Variants in ZNF75D observed in about 807,000 individuals in gnomAD.
The protein encoded by ZNF75D is zinc finger protein 75.
ZNF75D carries 33 observed loss-of-function variants against 33.3 expected under a neutral mutation model. The observed-to-expected ratio is 0.99, with a 90% CI of 0.75 to 1.32. ZNF75D has a LOEUF of 1.32. ZNF75D is among the 40% of genes most tolerant of loss of function. The pLI is 0.00. For missense variants in ZNF75D, 338 were observed against 367.5 expected (o/e 0.92, Z 0.66); for synonymous variants, 113 against 130.6 (o/e 0.87, Z 0.92).
chrX:135,304,493 C>A lies in ZNF75D; in HGVS notation c.-390-8454G>T, dbSNP rs75056020. Among the ~76,000 whole-genome samples, 1,127 of 111,324 alleles carry A rather than the reference C, an allele frequency of 0.01. 37 individuals carry two copies. In the East Asian group the frequency reaches 0.14, roughly 14 times the overall value. The stretch of plus-strand genomic sequence containing the variant: ...TGAATGGTAAGAATAGAGTTTCTGA[C>A]AAATGCAGCCAAAGATCTCCATGAA... On this transcript the variant is annotated intron_variant, in intron 1 of 6. Coordinates refer to ENST00000370766, the MANE Select transcript of ZNF75D (RefSeq NM_007131.5).
chrX:135,322,003 T>G (rs1556434625), intron 1 of ZNF75D, among the ~76,000 whole-genome samples: 1 of 112,160 alleles, frequency 8.9e-6, no homozygotes, highest in African/African-American at 3.2e-5. Context: ...CTTAATTGCT[T>G]TCTACTCGGG....
chrX:135,281,184 T>C (rs2083918708), downstream of ZNF75D, among the ~76,000 whole-genome samples: 2 of 110,191 alleles, frequency 1.8e-5, no homozygotes, highest in Admixed American at 2.0e-4. Flanking sequence ...GCTTTGTTCC[T>C]TTTCATTCTT....
chrX:135,325,381 G>A (rs2084549950), intron 1 of ZNF75D, among the ~76,000 whole-genome samples: 1 of 110,795 alleles, frequency 9.0e-6, no homozygotes, highest in Non-Finnish European at 1.9e-5. Context: ...TCAGCCCACC[G>A]CTGCACTGTG....
chrX:135,329,999 T>G (rs782494554), intron 1 of ZNF75D, among the ~76,000 whole-genome samples: 6 of 112,064 alleles, frequency 5.4e-5, no homozygotes, highest in African/African-American at 1.9e-4. Context: ...AATGAGCTGA[T>G]TATTCAATTA....
chrX:135,330,779 T>G (rs782403063), intron 1 of ZNF75D: 2 of 112,887 alleles, frequency 1.8e-5, no homozygotes, highest in Admixed American at 1.9e-4. Flanking sequence ...TTTGATATGT[T>G]TTTATGCTGA....
At chrX:135,327,563 G>A (rs966636317) in intron 1 of ZNF75D, among the ~76,000 whole-genome samples, 2 of 111,761 alleles carry the variant, frequency 1.8e-5, no homozygotes, top group Non-Finnish European at 1.9e-5. Context: ...GTGAGTAAGT[G>A]GGAGGTGCTG....
Position 135,287,568 on chromosome X carries a change from G to C in ZNF75D, c.1102C>G (p.Gln368Glu), listed in dbSNP as rs1437298352. 2.5e-6 allele frequency: 3 copies of C among 1,211,698 alleles called. No individual in the cohort carries two copies. Among genetic ancestry groups the C allele is most frequent in the Non-Finnish European group, 3.4e-6 (3 of 895,454 alleles). ...ACTCTGAAGCTTTTCCCACATTCCT[G>C]ACACTTAAAAGGTTTCTCCCCTGTG... ...GPTGEKPFKC[Q>E]ECGKSFRVSS... Residue 368 changes from glutamine (Q) to glutamate (E), a missense_variant, in exon 7 of 7, where the codon CAG becomes GAG. Physicochemically the swap from Gln to Glu is conservative, Grantham distance 29 (BLOSUM62 2). Transcript: ENST00000370766.
At chrX:135,265,774 A>G (rs981270853) in intron 1 of ZNF75D, among the ~76,000 whole-genome samples, 27 of 112,099 alleles carry the variant, frequency 2.4e-4, no homozygotes, top group African/African-American at 3.2e-5. Flanking sequence ...CAGCAGGTAC[A>G]AAACTCACTG....
At chrX:135,283,891 C>T (rs782751072), downstream of ZNF75D, among the ~76,000 whole-genome samples, 75 of 111,898 alleles carry the variant, frequency 6.7e-4, no homozygotes, top group African/African-American at 2.4e-3. Flanking sequence ...CTCACATGCT[C>T]TTGTGTCTCA....
intron 1 of ZNF75D, among the ~76,000 whole-genome samples, chrX:135,260,402 C>T (rs187161789): frequency 5.5e-4 from 58 of 106,282 alleles, no homozygotes; most frequent in African/African-American, 1.8e-3. Context: ...TGGTAGAATT[C>T]GGCTGTGAAT....
chrX:135,310,477 G>T (rs1173265033), intron 1 of ZNF75D, among the ~76,000 whole-genome samples: 1 of 112,045 alleles, frequency 8.9e-6, no homozygotes, highest in Non-Finnish European at 1.9e-5. Flanking sequence ...TCAGAGCCAT[G>T]GTGGATATGG....
At chrX:135,338,179 C>G (rs782214033) in intron 1 of ZNF75D, among the ~76,000 whole-genome samples, 3 of 111,314 alleles carry the variant, frequency 2.7e-5, no homozygotes, top group Admixed American at 1.9e-4. Context: ...ACCTGTTCCT[C>G]TCTCAGAGAA....
At chrX:135,333,114 G>C (rs782082713) in intron 1 of ZNF75D, among the ~76,000 whole-genome samples, 1 of 111,765 alleles carries the variant, frequency 8.9e-6, no homozygotes, top group South Asian at 3.8e-4. Flanking sequence ...GGCAGAGAGA[G>C]AGAGAGAAAG....
At chrX:135,309,580 A>G (rs781976070) in intron 1 of ZNF75D, 10 of 297,262 alleles carry the variant, frequency 3.4e-5, no homozygotes, top group Middle Eastern at 8.8e-4. Flanking sequence ...AAAAATGTGC[A>G]GGTCTTTTTA....
At chrX:135,303,831 A>G (rs1556425281) in intron 1 of ZNF75D, among the ~76,000 whole-genome samples, 1 of 112,578 alleles carries the variant, frequency 8.9e-6, no homozygotes, top group African/African-American at 3.2e-5. Flanking sequence ...ATACTTAAGT[A>G]TAGCCTCTTT....
At chrX:135,274,559 C>T (rs555767568) in intron 1 of ZNF75D, among the ~76,000 whole-genome samples, 4 of 111,625 alleles carry the variant, frequency 3.6e-5, no homozygotes, top group African/African-American at 1.3e-4. Context: ...CTTTGAGGCT[C>T]TTACTTAGGT....
At chrX:135,249,384 AACACACATGCGTGCATGTGCACACACAC>A in intron 3 of ZNF75D, 2 of 246,677 alleles carry the variant, frequency 8.1e-6, no homozygotes, top group South Asian at 8.0e-5. Context: ...TCTCCTCCCT[AACACACATGCGTGCATGTGCACACACAC>A]ACACACAATC....
At chrX:135,317,867 G>A (rs1323613306) in intron 1 of ZNF75D, among the ~76,000 whole-genome samples, 1 of 110,313 alleles carries the variant, frequency 9.1e-6, no homozygotes, top group African/African-American at 3.3e-5. Flanking sequence ...GGCAGGGGAA[G>A]AGCAATCATC....
intron 1 of ZNF75D, among the ~76,000 whole-genome samples, chrX:135,256,246 G>C (rs1349787582): frequency 1.2e-5 from 1 of 82,836 alleles, no homozygotes; most frequent in Non-Finnish European, 2.3e-5. Context: ...CAGGGCAAGA[G>C]AGGTAGTCTG....
Sources: allele counts gnomAD v4.1 joint callset (sites outside exome capture counted in the v4.1 genomes callset), GRCh38; gene constraint gnomAD v4.1.1; transcripts MANE v1.5; gene names NCBI Gene and HGNC (gene_info 2026-07-23, HGNC 2026-07-21).